The following PRKG1 variants were observed in gnomAD, a reference collection of about 807,000 sequenced individuals.
PRKG1 encodes protein kinase cGMP-dependent 1, also known as cGMP-dependent protein kinase 1.
A neutral mutation model predicts 88.1 loss-of-function variants in PRKG1; 35 were observed. The ratio of observed to expected loss-of-function variants is 0.40; its 90% CI spans 0.30 to 0.53. PRKG1 has a LOEUF of 0.53. Among genes scored for constraint, PRKG1 ranks in the 20% least tolerant of loss-of-function variants. The pLI is 0.59. For missense variants in PRKG1, 540 were observed against 839.8 expected, an observed-to-expected ratio of 0.64 and a Z score of 4.41; for synonymous variants, 303 against 292.5, an observed-to-expected ratio of 1.04 and a Z score of -0.37.
Position 51,342,754 on chromosome 10 carries a change from G to A in PRKG1, c.479-124969G>A, listed in dbSNP as rs1034759805. Among the ~76,000 whole-genome samples, 39 of 152,054 alleles carry A rather than the reference G, an allele frequency of 2.6e-4. 1 individual carries two copies. Among genetic ancestry groups the A allele is most frequent in the East Asian group, 1.9e-4 (1 of 5,186 alleles). ...TACAATCAGAGAATCATAATAGCCC[G>A]TATATCCAAAAACATTAGTGATTAT... On this transcript the variant is annotated intron_variant, in intron 2 of 17. Coordinates refer to ENST00000373980, the MANE Select transcript of PRKG1 (RefSeq NM_006258.4).
At chr10:51,590,797 A>G (rs1011193392) in intron 3 of PRKG1, among the ~76,000 whole-genome samples, 2 of 149,532 alleles carry the variant, frequency 1.3e-5, no homozygotes, top group African/African-American at 5.1e-5. Context: ...TTCTTCTGTA[A>G]CCTACCATTT....
chr10:51,597,971 G>A (rs938314684), intron 3 of PRKG1, among the ~76,000 whole-genome samples: 13 of 152,098 alleles, frequency 8.5e-5, no homozygotes, highest in African/African-American at 3.1e-4. Flanking sequence ...AACTCTAGAA[G>A]GAGATATATC....
intron 2 of PRKG1, among the ~76,000 whole-genome samples, chr10:51,393,026 G>A (rs185108926): frequency 6.7e-6 from 1 of 150,240 alleles, no homozygotes; most frequent in Non-Finnish European, 1.5e-5. Flanking sequence ...CCCAGACGGG[G>A]TGGTTGCCGG....
At chr10:51,543,954 A>G (rs1022960170) in intron 3 of PRKG1, among the ~76,000 whole-genome samples, 1 of 152,162 alleles carries the variant, frequency 6.6e-6, no homozygotes, top group African/African-American at 2.4e-5. Context: ...CAGCCTATGT[A>G]AACAATTATT....
At chr10:51,515,512 A>G (rs763451929) in intron 3 of PRKG1, among the ~76,000 whole-genome samples, 5 of 152,168 alleles carry the variant, frequency 3.3e-5, no homozygotes, top group Non-Finnish European at 7.4e-5. Flanking sequence ...TTTTTTGCTC[A>G]TTTGTATGAA....
chr10:51,550,686 C>G, intron 3 of PRKG1, among the ~76,000 whole-genome samples: 1 of 151,952 alleles, frequency 6.6e-6, no homozygotes, highest in Non-Finnish European at 1.5e-5. Context: ...GGTTCCATGG[C>G]TTATACGAAA....
intron 2 of PRKG1, among the ~76,000 whole-genome samples, chr10:51,256,525 A>G (rs1839564846): frequency 6.6e-6 from 1 of 152,164 alleles, no homozygotes; most frequent in Non-Finnish European, 1.5e-5. Context: ...CATATGCCAG[A>G]TGAGCACTAC....
At chr10:51,518,390 AATT>A (rs1564531932) in intron 3 of PRKG1, among the ~76,000 whole-genome samples, 1 of 152,068 alleles carries the variant, frequency 6.6e-6, no homozygotes, top group Non-Finnish European at 1.5e-5. Flanking sequence ...CTGCTTGTTC[AATT>A]TAGGATTATC....
At chr10:51,949,722 T>C (rs571615103) in intron 5 of PRKG1, among the ~76,000 whole-genome samples, 27 of 152,302 alleles carry the variant, frequency 1.8e-4, no homozygotes, top group African/African-American at 5.3e-4. Context: ...ATAATGTCCC[T>C]TGTTTAATCA....
intron 2 of PRKG1, among the ~76,000 whole-genome samples, chr10:51,453,272 G>T (rs293270): frequency 0.43 from 64,393 of 151,498 alleles, 16,051 homozygotes; most frequent in African/African-American, 0.69. Context: ...TTTTGTATTT[G>T]TTGTTGTTTT....
rs186957996 is a variant in PRKG1 at position 51,163,712 on chromosome 10, G to A, written c.478+10382G>A. ...CACCCTAATACTGCGCTTTTCCGAC[G>A]GGCTTAAAAAACGGCGCACCAGGAG... On this transcript the variant is annotated intron_variant, in intron 2 of 17. Coordinates refer to ENST00000373980, the MANE Select transcript of PRKG1 (RefSeq NM_006258.4). 1.1e-4 allele frequency among the ~76,000 whole-genome samples: 17 copies of A among 152,308 alleles called. No homozygotes were observed. The East Asian group carries it at 1.9e-3, about 17-fold the overall frequency.
chr10:51,230,848 C>T (rs1838825926), intron 2 of PRKG1, among the ~76,000 whole-genome samples: 1 of 150,272 alleles, frequency 6.7e-6, no homozygotes, highest in Admixed American at 6.6e-5. Context: ...TATATTTGAT[C>T]CATGATTGGT....
At chr10:51,240,460 C>T (rs1839122375) in intron 2 of PRKG1, among the ~76,000 whole-genome samples, 1 of 152,156 alleles carries the variant, frequency 6.6e-6, no homozygotes, top group African/African-American at 2.4e-5. Flanking sequence ...AGCCTCATAG[C>T]ATTATGTATT....
intron 1 of PRKG1, among the ~76,000 whole-genome samples, chr10:51,144,749 C>A (rs1386417127): frequency 2.6e-5 from 4 of 152,102 alleles, no homozygotes; most frequent in Non-Finnish European, 5.9e-5. Context: ...TAAAACTGAA[C>A]TGAGTATGTC....
intron 3 of PRKG1, among the ~76,000 whole-genome samples, chr10:51,492,401 G>A (rs997743870): frequency 2.6e-5 from 4 of 152,114 alleles, no homozygotes; most frequent in African/African-American, 9.7e-5. Flanking sequence ...TGCATTAGGT[G>A]TTGAGGCAAC....
chr10:51,638,617 TA>T (rs1839717243), intron 3 of PRKG1, among the ~76,000 whole-genome samples: 1 of 152,128 alleles, frequency 6.6e-6, no homozygotes, highest in South Asian at 2.1e-4. Flanking sequence ...AAAAGGCATA[TA>T]GATAACCAAG....
intron 2 of PRKG1, among the ~76,000 whole-genome samples, chr10:51,284,103 G>A (rs1840371488): frequency 6.6e-6 from 1 of 152,128 alleles, no homozygotes; most frequent in Admixed American, 6.6e-5. Flanking sequence ...TATTTATAAA[G>A]TTTCTATTCC....
intron 3 of PRKG1, among the ~76,000 whole-genome samples, chr10:51,660,602 AC>A (rs1191447753): frequency 6.6e-6 from 1 of 152,138 alleles, no homozygotes. Flanking sequence ...TACCTCAGTA[AC>A]CCAGTTCAAA....
At chr10:51,483,620 C>T (rs1315596984) in intron 3 of PRKG1, among the ~76,000 whole-genome samples, 1 of 152,064 alleles carries the variant, frequency 6.6e-6, no homozygotes, top group African/African-American at 2.4e-5. Flanking sequence ...TGTATTGAAC[C>T]TGGAAGTTGG....
Sources: gnomAD v4.1 joint callset for allele counts (sites outside exome capture counted in the v4.1 genomes callset) on GRCh38, gnomAD v4.1.1 for gene constraint, MANE v1.5 for transcripts, NCBI Gene and HGNC (gene_info 2026-07-23, HGNC 2026-07-21) for gene names.